Variants in NAXD observed in about 807,000 individuals in gnomAD.
The protein encoded by NAXD is ATP-dependent (S)-NAD(P)H-hydrate dehydratase.
A neutral mutation model predicts 35.8 loss-of-function variants in NAXD; 22 were observed. The ratio of observed to expected loss-of-function variants is 0.62; its 90% CI spans 0.44 to 0.88. The LOEUF is 0.88. Among genes scored for constraint, NAXD ranks in the 40% least tolerant of loss-of-function variants. The pLI is 0.00. For missense variants in NAXD, 428 were observed against 437.7 expected, an observed-to-expected ratio of 0.98 and a Z score of 0.20; for synonymous variants, 189 against 177.6, an observed-to-expected ratio of 1.06 and a Z score of -0.51.
At chr13:110,623,976 T>A (rs1056490045) in intron 2 of NAXD, among the ~76,000 whole-genome samples, 2 of 143,794 alleles carry the variant, frequency 1.4e-5, no homozygotes, top group East Asian at 2.0e-4. Flanking sequence ...CACTCCAGCC[T>A]GGGCAACAAG....
At position 110,635,477 on chromosome 13, in the gene NAXD, C is replaced by T. The variant is rs1296934825; in HGVS notation, c.607C>T (p.Pro203Ser). The change falls in exon 8 of 10, where the codon CCT becomes TCT. Residue 203 changes from proline to serine, a missense_variant. Physicochemically the swap from Pro to Ser is moderately conservative, Grantham distance 74. Coordinates refer to ENST00000680254, the MANE Select transcript of NAXD (RefSeq NM_001242882.2). ...TCCTGTGTTGTCATAGCTCAGAGGC[C>T]CTATGGACAGCGATGACAGCCATGG... ...SRLYDAVLRGPMDSDDSHGSV... is the reference protein window; with the variant it reads ...SRLYDAVLRGSMDSDDSHGSV... 1.9e-6 allele frequency: 3 copies of T among 1,613,984 alleles called. No individual in the cohort carries two copies. The highest frequency in any genetic ancestry group is 2.5e-6 in the Non-Finnish European group (3 of 1,179,920).
At chr13:110,625,800 G>A (rs1886453401) in intron 4 of NAXD, among the ~76,000 whole-genome samples, 1 of 152,244 alleles carries the variant, frequency 6.6e-6, no homozygotes, top group East Asian at 1.9e-4. Context: ...GCTGGGAGGT[G>A]CGGGAGCAGA....
At position 110,638,619 on chromosome 13, in the gene NAXD, G is replaced by A. The variant is rs758575821; in HGVS notation, c.*91G>A. ...CCGGACCCACGCGTGTGCTGAAGGC[G>A]TACGGTGCTTGCCAGATTTTCAACT... On this transcript the variant is annotated 3_prime_UTR_variant, in exon 10 of 10. Transcript: ENST00000680254. This position sits in a 1 kb window ranked among gnomAD's most constrained non-coding sequence, Gnocchi z 5.4. The A allele has an allele frequency of 1.4e-5, 20 of 1,430,800 alleles. No homozygotes were observed. The highest frequency in any genetic ancestry group is 1.5e-5 in the Non-Finnish European group (15 of 1,024,324). 88.6% of individuals were successfully genotyped at this position (1,430,800 alleles called of 1,614,324 possible).
At chr13:110,622,961 GGT>G (rs1886323359) in intron 2 of NAXD, among the ~76,000 whole-genome samples, 1 of 152,004 alleles carries the variant, frequency 6.6e-6, no homozygotes, top group South Asian at 2.1e-4. Context: ...CGTGCCATAG[GGT>G]GTGTTAGAGT....
rs1483123900 is a variant in NAXD at position 110,628,941 on chromosome 13, T to C, written c.441+1394T>C. On this transcript the variant is annotated intron_variant, in intron 5 of 9. Coordinates refer to ENST00000680254, the MANE Select transcript of NAXD (RefSeq NM_001242882.2). The surrounding 1 kb of genome is among the most constrained non-coding windows in gnomAD (Gnocchi z 4.1). ...CTGGTATCTTAAAAAACCACTGTACTGCGTGGAAGTGTGAAAGGTGGGAAG... is the reference window on the plus strand; with the variant it reads ...CTGGTATCTTAAAAAACCACTGTACCGCGTGGAAGTGTGAAAGGTGGGAAG... Among the ~76,000 whole-genome samples the C allele has an allele frequency of 6.6e-6, 1 of 152,230 alleles. No individual in the cohort carries two copies. The highest frequency in any genetic ancestry group is 1.5e-5 in the Non-Finnish European group (1 of 68,044).
chr13:110,618,229 G>A (rs1886131734), intron 1 of NAXD, among the ~76,000 whole-genome samples: 1 of 152,070 alleles, frequency 6.6e-6, no homozygotes, highest in Admixed American at 6.5e-5. Context: ...GAGAGCCGTT[G>A]TTCTCATGTG....
chr13:110,622,040 A>G (rs971939549), intron 1 of NAXD, among the ~76,000 whole-genome samples, 176 bp from the exon 2 acceptor site: 5 of 152,190 alleles, frequency 3.3e-5, no homozygotes, highest in Admixed American at 1.3e-4. Context: ...AAAAAAGAAA[A>G]AAAAAATTGC....
rs1158313538 is a variant in NAXD, at chr13:110,628,776, A to G, written c.441+1229A>G. The stretch of plus-strand genomic sequence containing the variant: ...GCTCTCAATGGGGAGTCCCATCTGC[A>G]GGCTGCGGGTCTGCGGTGCACGGCT... On this transcript the variant is annotated intron_variant, in intron 5 of 9. Coordinates refer to ENST00000680254, the MANE Select transcript of NAXD (RefSeq NM_001242882.2). The surrounding 1 kb of genome is among the most constrained non-coding windows in gnomAD (Gnocchi z 4.1). Among the ~76,000 whole-genome samples, 6 of 152,146 alleles carry G rather than the reference A, an allele frequency of 3.9e-5. No individual in the cohort carries two copies. Among genetic ancestry groups the G allele is most frequent in the Non-Finnish European group, 1.5e-5 (1 of 68,012 alleles).
intron 1 of NAXD, among the ~76,000 whole-genome samples, chr13:110,617,836 A>G (rs1886117902): frequency 6.6e-6 from 1 of 152,238 alleles, no homozygotes. Context: ...AAAGAAAGAT[A>G]AAGTGCTAGT....
chr13:110,634,571 G>A lies in NAXD; in HGVS notation c.468G>A (p.Arg156=), dbSNP rs773452194. ...VQGILEVSKA[R]DIPVVIDADG... ...GCATTTTGGAAGTGTCAAAGGCCAG[G>A]GACATCCCTGTTGTCATCGACGCGG... The change falls in exon 6 of 10, where the codon AGG becomes AGA. Residue 156 remains arginine (R), a synonymous_variant. Transcript: ENST00000680254. 1.9e-5 allele frequency: 31 copies of A among 1,614,212 alleles called. No homozygotes were observed. Among genetic ancestry groups the A allele is most frequent in the Middle Eastern group, 1.6e-4 (1 of 6,062 alleles).
intron 1 of NAXD, among the ~76,000 whole-genome samples, chr13:110,619,408 T>C (rs933338957): frequency 4.6e-5 from 7 of 152,196 alleles, no homozygotes; most frequent in Admixed American, 2.0e-4. Context: ...TTATGAAGTA[T>C]TACCATTTAG....
rs749236116 is a variant in NAXD at position 110,622,298 on chromosome 13, A to G, written c.129A>G (p.Ile43Met). ...ENTLQLVRNI[I>M]PPLSSTKHKG... ...CTTTGCAGCTGGTGAGAAATATCAT[A>G]CCTCCTCTGTCTTCCACAAAGCACA... is the stretch of plus-strand genomic sequence containing the variant. Residue 43 changes from isoleucine to methionine, a missense_variant, in exon 2 of 10, where the codon ATA becomes ATG. Ile to Met is a conservative substitution (Grantham distance 10). Around this residue, in one of 3 missense-constraint regions of NAXD, gnomAD observed 208 missense variants for 193.0 expected, o/e 1.08. Transcript: ENST00000680254. 1.7e-5 allele frequency: 28 copies of G among 1,614,050 alleles called. No individual in the cohort carries two copies. The highest frequency in any genetic ancestry group is 2.4e-5 in the Non-Finnish European group (28 of 1,180,000).
chr13:110,637,388 A>G (rs1886970427), intron 9 of NAXD, 139 bp downstream of exon 9: 1 of 1,048,822 alleles, frequency 9.5e-7, no homozygotes, highest in Non-Finnish European at 1.4e-6. Context: ...CTCGGCACAG[A>G]CGAACCCTCT....
intron 5 of NAXD, among the ~76,000 whole-genome samples, chr13:110,631,434 T>C (rs1350854449): frequency 6.6e-6 from 1 of 152,208 alleles, no homozygotes. Context: ...TTTTGAGAGA[T>C]GCCCCCAGAT....
At chr13:110,624,386 A>T in intron 3 of NAXD, 107 bp downstream of exon 3, 1 of 747,804 alleles carries the variant, frequency 1.3e-6, no homozygotes, top group South Asian at 1.5e-5. Context: ...ATAATATCTT[A>T]GGGTAATCAT....
chr13:110,621,217 G>A (rs575540899), intron 1 of NAXD, among the ~76,000 whole-genome samples: 1 of 152,240 alleles, frequency 6.6e-6, no homozygotes, highest in African/African-American at 2.4e-5. Flanking sequence ...CACCCCAGCG[G>A]ATTACAGGTG....
Position 110,638,387 on chromosome 13 carries a change from T to A in NAXD, c.849T>A (p.Pro283=), listed in dbSNP as rs1414830363. 6.2e-7 allele frequency: 1 copy of A among 1,613,660 alleles called. No individual in the cohort carries two copies. The highest frequency in any genetic ancestry group is 1.3e-5 in the African/African-American group (1 of 75,000). Reference sequence around the variant, plus strand: ...GTCCCCCTCTCCGCAGGTCCAGCCCTCTCCTGGTGGCCGCGTTTGGCGCCT... The same window carrying A: ...GTCCCCCTCTCCGCAGGTCCAGCCCACTCCTGGTGGCCGCGTTTGGCGCCT... ...AGPQKTNGSS[P]LLVAAFGACS... Residue 283 remains proline (P), a synonymous_variant, in exon 10 of 10, where the codon CCT becomes CCA. Coordinates refer to ENST00000680254, the MANE Select transcript of NAXD (RefSeq NM_001242882.2). The surrounding 1 kb of genome is among the most constrained non-coding windows in gnomAD (Gnocchi z 5.4).
chr13:110,631,854 T>C (rs868283539), intron 5 of NAXD, among the ~76,000 whole-genome samples: 2 of 152,214 alleles, frequency 1.3e-5, no homozygotes, highest in Admixed American at 1.3e-4. Flanking sequence ...CAGAGCCAAA[T>C]ACACACTTTC....
At chr13:110,625,922 A>G (rs754780435) in intron 4 of NAXD, among the ~76,000 whole-genome samples, 1 of 152,046 alleles carries the variant, frequency 6.6e-6, no homozygotes, top group African/African-American at 2.4e-5. Context: ...AACCGTAGAG[A>G]GCGGCAGCAG....
Sources: allele counts gnomAD v4.1 joint callset (sites outside exome capture counted in the v4.1 genomes callset), GRCh38; gene constraint gnomAD v4.1.1; regional missense constraint gnomAD v4.1.1; non-coding constraint Gnocchi (gnomAD v3.1); transcripts MANE v1.5; gene names NCBI Gene and HGNC (gene_info 2026-07-23, HGNC 2026-07-21).